The following GALNT13 variants were observed in gnomAD, a reference collection of about 807,000 sequenced individuals.
The protein encoded by GALNT13 is UDP-GalNAc:polypeptide N-acetylgalactosaminyltransferase 13.
A neutral mutation model predicts 64.2 loss-of-function variants in GALNT13; 28 were observed. The observed-to-expected ratio is 0.44, with a 90% confidence interval of 0.32 to 0.60. The LOEUF is 0.60. Among genes scored for constraint, GALNT13 ranks in the 20% least tolerant of loss-of-function variants. The pLI is 0.05. For synonymous variants in GALNT13, 214 were observed against 224.6 expected (o/e 0.95, Z 0.42); for missense variants, 577 against 669.8 (o/e 0.86, Z 1.53).
At chr2:153,588,504 C>T in the GALNT13 span, among the ~76,000 whole-genome samples, 3 of 152,240 alleles carry the variant, frequency 2.0e-5, no homozygotes, top group African/African-American at 7.2e-5. Flanking sequence ...CTTGCATCCT[C>T]TGAAGCCATG....
At chr2:154,048,924 G>T (rs1699425926) in intron 3 of GALNT13, among the ~76,000 whole-genome samples, 2 of 151,994 alleles carry the variant, frequency 1.3e-5, no homozygotes, top group Non-Finnish European at 2.9e-5. Flanking sequence ...TACCATAGAG[G>T]TATTTTTCTA....
At chr2:154,228,700 A>C (rs1688757710) in intron 4 of GALNT13, among the ~76,000 whole-genome samples, 1 of 152,172 alleles carries the variant, frequency 6.6e-6, no homozygotes, top group Non-Finnish European at 1.5e-5. Context: ...AAGGGAAGAA[A>C]TATAACAATG....
At chr2:153,210,085 C>T in the GALNT13 span, among the ~76,000 whole-genome samples, 288 of 152,070 alleles carry the variant, frequency 1.9e-3, 4 homozygotes, top group African/African-American at 6.6e-3. Context: ...TTGTTGGATT[C>T]TTTGTGGTTT....
the GALNT13 span, among the ~76,000 whole-genome samples, chr2:153,842,231 C>T: frequency 3.3e-5 from 5 of 152,258 alleles, no homozygotes; most frequent in Admixed American, 3.3e-4. Flanking sequence ...ATGAGCCCAA[C>T]ATTCTTTATC....
chr2:153,224,114 G>C, the GALNT13 span, among the ~76,000 whole-genome samples: 1 of 152,252 alleles, frequency 6.6e-6, no homozygotes. Context: ...GAAAACAGAA[G>C]AGCAATTTAA....
At chr2:153,457,366 A>G in the GALNT13 span, among the ~76,000 whole-genome samples, 1 of 152,208 alleles carries the variant, frequency 6.6e-6, no homozygotes, top group Admixed American at 6.5e-5. Context: ...ATAGCTAATA[A>G]AAGTATTTAA....
At chr2:153,125,329 G>A in the GALNT13 span, among the ~76,000 whole-genome samples, 1 of 152,016 alleles carries the variant, frequency 6.6e-6, no homozygotes, top group African/African-American at 2.4e-5. Context: ...TTGTGGTTGT[G>A]CATGTTTGAA....
intron 1 of GALNT13, among the ~76,000 whole-genome samples, chr2:153,892,002 C>T (rs887375964): frequency 6.6e-6 from 1 of 152,016 alleles, no homozygotes; most frequent in African/African-American, 2.4e-5. Context: ...AAGATCAGCT[C>T]ACACGAGCAA....
the GALNT13 span, among the ~76,000 whole-genome samples, chr2:153,104,887 T>A: frequency 0.1 from 15,257 of 151,938 alleles, 893 homozygotes; most frequent in African/African-American, 0.14. Flanking sequence ...TTTTCTTTTT[T>A]TTATTATTAT....
At chr2:153,349,400 G>A in the GALNT13 span, among the ~76,000 whole-genome samples, 7 of 152,104 alleles carry the variant, frequency 4.6e-5, no homozygotes, top group Non-Finnish European at 7.4e-5. Context: ...GTGTTATTAA[G>A]ACAATATGTC....
the GALNT13 span, among the ~76,000 whole-genome samples, chr2:153,546,199 T>C: frequency 6.6e-6 from 1 of 152,142 alleles, no homozygotes; most frequent in Admixed American, 6.5e-5. Context: ...TAAAGACAAA[T>C]GATAGTATTC....
chr2:153,944,597 T>G lies in GALNT13; in HGVS notation c.100T>G (p.Cys34Gly), dbSNP rs766409416. The G allele has an allele frequency of 6.2e-7, 1 of 1,613,564 alleles. No individual in the cohort carries two copies. Among genetic ancestry groups the G allele is most frequent in the Non-Finnish European group, 8.5e-7 (1 of 1,179,660 alleles). The change falls in exon 3 of 13, where the codon TGT (cysteine) becomes GGT (glycine). Residue 34 changes from cysteine (C) to glycine (G), a missense_variant. Physicochemically the swap from Cys to Gly is radical, Grantham distance 159. Transcript: ENST00000392825. ...GCTGTACTTCAGTGAATGTAACAAA[T>G]GTGATGACAAGAAGGAGAGATCTCT... is the stretch of plus-strand genomic sequence containing the variant. ...LLLYFSECNK[C>G]DDKKERSLLP...
At chr2:153,193,143 T>G in the GALNT13 span, among the ~76,000 whole-genome samples, 1 of 152,002 alleles carries the variant, frequency 6.6e-6, no homozygotes, top group Non-Finnish European at 1.5e-5. Flanking sequence ...TAAAGACACA[T>G]GCACACGTAT....
intron 2 of GALNT13, among the ~76,000 whole-genome samples, chr2:153,932,108 G>C (rs1221682685): frequency 6.6e-6 from 1 of 151,928 alleles, no homozygotes; most frequent in Non-Finnish European, 1.5e-5. Context: ...ATAGTCTGAG[G>C]TTTTTTGTAT....
At chr2:153,121,201 C>T in the GALNT13 span, among the ~76,000 whole-genome samples, 3 of 152,222 alleles carry the variant, frequency 2.0e-5, no homozygotes, top group African/African-American at 7.2e-5. Flanking sequence ...CACCAAATCC[C>T]CCTGACATTT....
At chr2:153,110,193 C>T in the GALNT13 span, among the ~76,000 whole-genome samples, 5 of 151,870 alleles carry the variant, frequency 3.3e-5, no homozygotes, top group Non-Finnish European at 7.4e-5. Context: ...TAAAATGTAC[C>T]AAAACATAAG....
the GALNT13 span, among the ~76,000 whole-genome samples, chr2:153,508,800 C>G: frequency 6.6e-6 from 1 of 152,084 alleles, no homozygotes; most frequent in Non-Finnish European, 1.5e-5. Context: ...TGTGAGTCTC[C>G]GCAGGCTGCT....
the GALNT13 span, among the ~76,000 whole-genome samples, chr2:153,169,542 TG>T: frequency 6.6e-6 from 1 of 152,144 alleles, no homozygotes; most frequent in East Asian, 1.9e-4. Context: ...GTATTAAGCC[TG>T]GGGGTACTGC....
the GALNT13 span, among the ~76,000 whole-genome samples, chr2:153,557,321 A>G: frequency 6.6e-6 from 1 of 152,204 alleles, no homozygotes; most frequent in Non-Finnish European, 1.5e-5. Flanking sequence ...TTGTGTAACT[A>G]TACTCTATGA....
Sources: allele counts gnomAD v4.1 joint callset (sites outside exome capture counted in the v4.1 genomes callset), GRCh38; gene constraint gnomAD v4.1.1; transcripts MANE v1.5; gene names NCBI Gene and HGNC (gene_info 2026-07-23, HGNC 2026-07-21).